Variants in ARFGEF3 observed in about 807,000 individuals in gnomAD.
ARFGEF3 encodes ARFGEF family member 3.
A neutral mutation model predicts 221.7 loss-of-function variants in ARFGEF3; 96 were observed. The observed-to-expected ratio is 0.43, with a 90% CI of 0.37 to 0.51. ARFGEF3 has a LOEUF of 0.51. Ranked by LOEUF, ARFGEF3 falls within the 20% of genes least tolerant of loss-of-function variation. The pLI is 0.00. For missense variants in ARFGEF3, 2,410 were observed against 2,789.9 expected (o/e 0.86, Z 3.07); for synonymous variants, 1,145 against 1,126.8 (o/e 1.02, Z -0.32).
Position 138,336,667 on chromosome 6 carries a change from G to A in ARFGEF3, c.*181G>A. The A allele has an allele frequency of 2.2e-6, 1 of 445,316 alleles. No individual in the cohort carries two copies. The highest frequency in any genetic ancestry group is 5.7e-5 in the South Asian group (1 of 17,428). The allele number at this position is 445,316 out of a possible 1,614,324, so 27.6% of individuals were successfully genotyped here. The stretch of plus-strand genomic sequence containing the variant: ...TGATCAGCATTGGGGCCATACTAAG[G>A]TTTGTATCTAGATGACACAAACGAT... On this transcript the variant is annotated 3_prime_UTR_variant, in exon 34 of 34. Transcript: ENST00000251691.
intron 2 of ARFGEF3, among the ~76,000 whole-genome samples, chr6:138,205,521 A>T (rs1397417598): frequency 6.6e-6 from 1 of 152,180 alleles, no homozygotes; most frequent in African/African-American, 2.4e-5. Flanking sequence ...TAAGCTCTTA[A>T]ACTGGTTATC....
chr6:138,320,567 G>C (rs898702489), intron 28 of ARFGEF3, among the ~76,000 whole-genome samples: 2 of 152,154 alleles, frequency 1.3e-5, no homozygotes, highest in South Asian at 4.1e-4. Flanking sequence ...GGCATATCAT[G>C]GTGTAAGGGA....
chr6:138,179,330 G>T (rs1777017217), intron 2 of ARFGEF3, among the ~76,000 whole-genome samples: 1 of 152,134 alleles, frequency 6.6e-6, no homozygotes, highest in Non-Finnish European at 1.5e-5. Flanking sequence ...GTGCCCCTTT[G>T]GGAACAATCC....
chr6:138,305,851 T>C (rs1275981981), intron 22 of ARFGEF3, among the ~76,000 whole-genome samples: 1 of 152,142 alleles, frequency 6.6e-6, no homozygotes, highest in Non-Finnish European at 1.5e-5. Context: ...ATTAGAGGGA[T>C]TTCCTCCATG....
chr6:138,250,771 C>A (rs950367677), intron 8 of ARFGEF3, among the ~76,000 whole-genome samples: 1 of 152,186 alleles, frequency 6.6e-6, no homozygotes, highest in Admixed American at 6.5e-5. Flanking sequence ...GAGAATGAGA[C>A]CAGCAGATAC....
At chr6:138,180,298 C>T (rs897477369) in intron 2 of ARFGEF3, among the ~76,000 whole-genome samples, 2 of 152,236 alleles carry the variant, frequency 1.3e-5, no homozygotes, top group Non-Finnish European at 2.9e-5. Context: ...CTTGCTACCT[C>T]CCACTGCCAT....
intron 2 of ARFGEF3, among the ~76,000 whole-genome samples, chr6:138,183,302 G>T (rs1349079569): frequency 6.6e-6 from 1 of 152,170 alleles, no homozygotes; most frequent in Non-Finnish European, 1.5e-5. Context: ...AATGGGGAGG[G>T]TAGCATTCAT....
rs1340837301 is a variant in ARFGEF3, at chr6:138,338,286, G to A, written c.*1800G>A. 1 of 152,130 alleles carries A rather than the reference G, an allele frequency of 6.6e-6. No individual in the cohort carries two copies. The highest frequency in any genetic ancestry group is 1.5e-5 in the Non-Finnish European group (1 of 68,038). 9.4% of individuals were successfully genotyped at this position (152,130 alleles called of 1,614,324 possible). ...CATTTTATAAATGGAATTGAAAGTT[G>A]GATAACTGCTTTTTTTAAATTTTCC... On this transcript the variant is annotated 3_prime_UTR_variant, in exon 34 of 34. Transcript: ENST00000251691.
chr6:138,332,398 G>T (rs1441157477), intron 32 of ARFGEF3, among the ~76,000 whole-genome samples: 2 of 151,994 alleles, frequency 1.3e-5, no homozygotes, highest in African/African-American at 2.4e-5. Context: ...GGTTACTGGG[G>T]ACAAGAAGAT....
At chr6:138,245,756 G>T (rs9402966) in intron 8 of ARFGEF3, among the ~76,000 whole-genome samples, 165 bp downstream of exon 8, 34,662 of 152,124 alleles carry the variant, frequency 0.23, 6,521 homozygotes, top group African/African-American at 0.51. Context: ...TATTCTGAAA[G>T]TTGGTGCAGT....
At chr6:138,206,422 G>C (rs537900825) in intron 2 of ARFGEF3, among the ~76,000 whole-genome samples, 129 of 148,208 alleles carry the variant, frequency 8.7e-4, no homozygotes, top group African/African-American at 3.1e-3. Flanking sequence ...TGCTATTGAT[G>C]GTTCATTTGT....
chr6:138,217,374 G>C (rs1777890090), intron 4 of ARFGEF3: 1 of 152,116 alleles, frequency 6.6e-6, no homozygotes, highest in Non-Finnish European at 1.5e-5. Context: ...TATGTGTCAG[G>C]CACTGTGCTG....
At chr6:138,313,103 A>G (rs1283690006) in intron 25 of ARFGEF3, among the ~76,000 whole-genome samples, 1 of 152,206 alleles carries the variant, frequency 6.6e-6, no homozygotes, top group Non-Finnish European at 1.5e-5. Flanking sequence ...GGTGAGACCC[A>G]CCAGAACAGG....
At position 138,280,048 on chromosome 6, in the gene ARFGEF3, C is replaced by G. The variant is rs756244120; in HGVS notation, c.2345C>G (p.Ser782Cys). ...VQTSGVLMVF[S>C]QAWIEELYHQ... ...ACCAGCGGCGTGCTGATGGTCTTCTCTCAGGCCTGGATTGAGGAGCTCTAC... is the reference window on the plus strand; with the variant it reads ...ACCAGCGGCGTGCTGATGGTCTTCTGTCAGGCCTGGATTGAGGAGCTCTAC... The change falls in exon 14 of 34, where the codon TCT (serine) becomes TGT (cysteine). Residue 782 changes from serine to cysteine, a missense_variant. By Grantham distance (112) the Ser-to-Cys change is moderately radical. Coordinates refer to ENST00000251691, the MANE Select transcript of ARFGEF3 (RefSeq NM_020340.5). 3 of 1,613,922 alleles carry G rather than the reference C, an allele frequency of 1.9e-6. No individual in the cohort carries two copies. In the East Asian group the frequency reaches 6.7e-5, roughly 36 times the overall value.
chr6:138,273,342 C>T (rs1261490149), intron 12 of ARFGEF3, among the ~76,000 whole-genome samples: 2 of 152,226 alleles, frequency 1.3e-5, no homozygotes, highest in Non-Finnish European at 2.9e-5. Context: ...ACTCTTGTAT[C>T]TAATCTTTCC....
chr6:138,229,406 C>T (rs185422149), intron 4 of ARFGEF3, among the ~76,000 whole-genome samples: 2 of 152,170 alleles, frequency 1.3e-5, no homozygotes, highest in African/African-American at 2.4e-5. Flanking sequence ...GAAGGTCAAC[C>T]TAGATAATTC....
intron 4 of ARFGEF3, among the ~76,000 whole-genome samples, chr6:138,219,504 A>G (rs1777938897): frequency 6.6e-6 from 1 of 152,218 alleles, no homozygotes; most frequent in Non-Finnish European, 1.5e-5. Context: ...GCTGAGCCAG[A>G]GGTACCAGGA....
intron 17 of ARFGEF3, 111 bp downstream of exon 17, chr6:138,287,295 C>T (rs866614731): frequency 6.5e-6 from 5 of 766,030 alleles, no homozygotes; most frequent in African/African-American, 3.4e-5. Flanking sequence ...GTGTGATGCC[C>T]GGTATGTATA....
At chr6:138,287,253 C>T in intron 17 of ARFGEF3, 69 bp downstream of exon 17, 1 of 1,159,464 alleles carries the variant, frequency 8.6e-7, no homozygotes, top group Non-Finnish European at 1.3e-6. Flanking sequence ...CACAGGCCTA[C>T]ACACGCCAGC....
Sources: allele counts gnomAD v4.1 joint callset (sites outside exome capture counted in the v4.1 genomes callset), GRCh38; gene constraint gnomAD v4.1.1; transcripts MANE v1.5; gene names NCBI Gene and HGNC (gene_info 2026-07-23, HGNC 2026-07-21).